The following SCHIP1 variants were observed in gnomAD, a reference collection of about 807,000 sequenced individuals.
The protein encoded by SCHIP1 is schwannomin-interacting protein 1.
Under a neutral mutation model 29.7 loss-of-function variants are expected in SCHIP1, and 8 were observed. The ratio of observed to expected loss-of-function variants is 0.27; its 90% confidence interval spans 0.16 to 0.49. The LOEUF is 0.49. Ranked by LOEUF, SCHIP1 falls within the 20% of genes least tolerant of loss-of-function variation. The probability of loss-of-function intolerance (pLI) is 0.99; values close to 1 mark genes in which losing one functional copy is unlikely to be tolerated. For missense variants in SCHIP1, 193 were observed against 294.6 expected (o/e 0.66, Z 2.52); for synonymous variants, 76 against 94.9 (o/e 0.80, Z 1.16).
At chr3:159,630,066 C>G in the SCHIP1 span, among the ~76,000 whole-genome samples, 1 of 152,152 alleles carries the variant, frequency 6.6e-6, no homozygotes. Context: ...AGAGAATGTA[C>G]AAAGCCCCAG....
chr3:159,273,886 A>G, the SCHIP1 span: 2 of 1,613,190 alleles, frequency 1.2e-6, no homozygotes, highest in Non-Finnish European at 1.7e-6. Context: ...CTGACAGTGT[A>G]AGTTTTACAA....
chr3:159,681,671 A>C, the SCHIP1 span, among the ~76,000 whole-genome samples: 454 of 152,344 alleles, frequency 3.0e-3, 5 homozygotes, highest in African/African-American at 0.01. Context: ...CATGTTCAGG[A>C]GAGGTTTCCC....
chr3:159,857,415 G>T (rs532282924), intron 1 of SCHIP1, among the ~76,000 whole-genome samples: 3 of 151,946 alleles, frequency 2.0e-5, no homozygotes, highest in African/African-American at 7.2e-5. Flanking sequence ...CCTCATTTTC[G>T]TGTGTGTGTA....
chr3:159,563,306 C>G, the SCHIP1 span, among the ~76,000 whole-genome samples: 1 of 152,022 alleles, frequency 6.6e-6, no homozygotes, highest in South Asian at 2.1e-4. Flanking sequence ...GAGGCTGCCA[C>G]AATGTTACGT....
intron 2 of SCHIP1, among the ~76,000 whole-genome samples, chr3:159,880,646 G>A (rs148907522): frequency 1.8e-3 from 273 of 152,322 alleles, no homozygotes; most frequent in Non-Finnish European, 3.4e-3. Context: ...ACTAGAAAGT[G>A]TGTGCCCTGG....
At chr3:159,765,089 G>C in the SCHIP1 span, 2 of 1,571,254 alleles carry the variant, frequency 1.3e-6, no homozygotes, top group Admixed American at 1.9e-5. Flanking sequence ...CTGCAGTTCC[G>C]GGAGCAGGAG....
the SCHIP1 span, among the ~76,000 whole-genome samples, chr3:159,559,098 G>A: frequency 1.3e-5 from 2 of 152,180 alleles, no homozygotes; most frequent in Non-Finnish European, 2.9e-5. Flanking sequence ...ACAGAAGAAT[G>A]GAATGGGGAC....
At chr3:159,566,216 C>G in the SCHIP1 span, among the ~76,000 whole-genome samples, 1 of 152,202 alleles carries the variant, frequency 6.6e-6, no homozygotes, top group South Asian at 2.1e-4. Context: ...TTCCTCACCT[C>G]TCTGTGTCTC....
At chr3:159,854,964 T>C (rs1713152440) in intron 1 of SCHIP1, among the ~76,000 whole-genome samples, 2 of 152,218 alleles carry the variant, frequency 1.3e-5, no homozygotes, top group Admixed American at 6.5e-5. Flanking sequence ...CATGTACGGC[T>C]CAAGGAGCTT....
At chr3:159,774,670 T>C in the SCHIP1 span, among the ~76,000 whole-genome samples, 3 of 152,220 alleles carry the variant, frequency 2.0e-5, no homozygotes, top group Non-Finnish European at 2.9e-5. Context: ...AACCAGTGTT[T>C]TGTTCAGCCC....
chr3:159,756,538 C>T, the SCHIP1 span, among the ~76,000 whole-genome samples: 5 of 152,204 alleles, frequency 3.3e-5, no homozygotes, highest in Non-Finnish European at 5.9e-5. Context: ...CTATGAAGAC[C>T]TATGACATGC....
the SCHIP1 span, among the ~76,000 whole-genome samples, chr3:159,601,960 CT>C: frequency 6.6e-6 from 1 of 152,218 alleles, no homozygotes; most frequent in Non-Finnish European, 1.5e-5. Context: ...AAAGTGTACT[CT>C]GCCATACCCG....
At chr3:159,785,378 A>G in the SCHIP1 span, among the ~76,000 whole-genome samples, 2 of 152,242 alleles carry the variant, frequency 1.3e-5, no homozygotes, top group African/African-American at 2.4e-5. Flanking sequence ...CCAAGCTTCC[A>G]TAAATGTAGT....
the SCHIP1 span, among the ~76,000 whole-genome samples, chr3:159,519,301 A>C: frequency 1.3e-5 from 2 of 152,204 alleles, no homozygotes; most frequent in African/African-American, 2.4e-5. Flanking sequence ...GAAGAATCCA[A>C]CTACAGGCTT....
upstream of SCHIP1, among the ~76,000 whole-genome samples, chr3:159,839,171 G>T (rs1355480019): frequency 6.6e-6 from 1 of 151,752 alleles, no homozygotes; most frequent in Non-Finnish European, 1.5e-5. Context: ...CGCAAGTCCA[G>T]AATTACTCTG....
the SCHIP1 span, among the ~76,000 whole-genome samples, chr3:159,465,395 C>T: frequency 1.3e-5 from 2 of 150,634 alleles, no homozygotes; most frequent in Non-Finnish European, 3.0e-5. Flanking sequence ...GAAAGAGAGA[C>T]CATTTATTTT....
At chr3:159,462,848 C>T in the SCHIP1 span, among the ~76,000 whole-genome samples, 1 of 152,034 alleles carries the variant, frequency 6.6e-6, no homozygotes, top group African/African-American at 2.4e-5. Context: ...AAGACATTTG[C>T]ACAAGAATGA....
chr3:159,766,720 G>A, the SCHIP1 span, among the ~76,000 whole-genome samples: 2 of 152,176 alleles, frequency 1.3e-5, no homozygotes, highest in Non-Finnish European at 2.9e-5. Context: ...CCATGTATGT[G>A]CTGTGTGCCA....
At chr3:159,399,986 G>A in the SCHIP1 span, among the ~76,000 whole-genome samples, 1 of 152,132 alleles carries the variant, frequency 6.6e-6, no homozygotes, top group East Asian at 1.9e-4. Flanking sequence ...AAAAATGCAG[G>A]TTAGGACCAA....
Sources: allele counts gnomAD v4.1 joint callset (sites outside exome capture counted in the v4.1 genomes callset), GRCh38; gene constraint gnomAD v4.1.1; transcripts MANE v1.5; gene names NCBI Gene and HGNC (gene_info 2026-07-23, HGNC 2026-07-21).